Variants in PTPRZ1 observed in about 807,000 individuals in gnomAD.
PTPRZ1 encodes receptor-type tyrosine-protein phosphatase zeta.
In PTPRZ1, 82 loss-of-function variants were observed where a neutral mutation model predicts 214.1. That is an observed-to-expected ratio of 0.38 (90% CI 0.32 to 0.46). PTPRZ1 has a LOEUF of 0.46. PTPRZ1 is among the 20% of genes least tolerant of loss of function. The probability of loss-of-function intolerance (pLI) is 1.00; values close to 1 mark genes in which losing one functional copy is unlikely to be tolerated. For synonymous variants in PTPRZ1, 945 were observed against 987.9 expected, an observed-to-expected ratio of 0.96 and a Z score of 0.81; for missense variants, 2,603 against 2,748.7, an observed-to-expected ratio of 0.95 and a Z score of 1.19.
chr7:122,023,845 A>ATTATATGTATAATTT (rs1158015161), intron 13 of PTPRZ1, among the ~76,000 whole-genome samples: 1 of 76,900 alleles, frequency 1.3e-5, no homozygotes, highest in African/African-American at 1.1e-4. Flanking sequence ...ATAATTATAT[A>ATTATATGTATAATTT]TATATAAAAA....
In PTPRZ1 at chr7:122,059,775, A is replaced by T; in HGVS notation, c.6694A>T (p.Thr2232Ser). The T allele has an allele frequency of 1.2e-6, 2 of 1,612,018 alleles. No individual in the cohort carries two copies. The highest frequency in any genetic ancestry group is 1.7e-6 in the Non-Finnish European group (2 of 1,179,270). Residue 2232 changes from threonine to serine, a missense_variant, in exon 29 of 30, where the codon ACT becomes TCT. Physicochemically the swap from Thr to Ser is moderately conservative, Grantham distance 58 (BLOSUM62 1). Transcript: ENST00000393386. ...HDEHGGVTAG[T>S]FCALTTLMHQ... Reference sequence around the variant, plus strand: ...AAGGCATGGAGGAGTGACGGCAGGAACTTTCTGTGCTCTGACAACCCTTAT... The same window carrying T: ...AAGGCATGGAGGAGTGACGGCAGGATCTTTCTGTGCTCTGACAACCCTTAT...
intron 1 of PTPRZ1, among the ~76,000 whole-genome samples, chr7:121,877,279 C>A (rs916713857): frequency 1.3e-5 from 2 of 152,126 alleles, no homozygotes; most frequent in Non-Finnish European, 2.9e-5. Flanking sequence ...CTGTGTATTC[C>A]TTCCCAATCC....
intron 12 of PTPRZ1, among the ~76,000 whole-genome samples, chr7:122,016,687 A>C (rs1798850229): frequency 6.6e-6 from 1 of 151,736 alleles, no homozygotes. Flanking sequence ...TGCATTATAT[A>C]TCTTACATAT....
intron 12 of PTPRZ1, among the ~76,000 whole-genome samples, chr7:122,017,285 C>T (rs1798870583): frequency 6.6e-6 from 1 of 152,194 alleles, no homozygotes; most frequent in South Asian, 2.1e-4. Context: ...CTAGATGATT[C>T]TAAATGAGTC....
intron 23 of PTPRZ1, among the ~76,000 whole-genome samples, chr7:122,048,736 A>C (rs963750789): frequency 6.6e-6 from 1 of 152,192 alleles, no homozygotes; most frequent in Admixed American, 6.5e-5. Flanking sequence ...AAGGAAATCA[A>C]ATCAGCTGCC....
At position 122,001,950 on chromosome 7, in the gene PTPRZ1, T is replaced by G. The variant is rs1169860414; in HGVS notation, c.1241-2664T>G. The stretch of plus-strand genomic sequence containing the variant: ...AAGCCAGTATAATTTTTGAACTATT[T>G]AATATATTGGTAGTGCCTGACTCAA... On this transcript the variant is annotated intron_variant, in intron 10 of 29. Coordinates refer to ENST00000393386, the MANE Select transcript of PTPRZ1 (RefSeq NM_002851.3). Among the ~76,000 whole-genome samples the G allele has an allele frequency of 9.2e-5, 14 of 152,192 alleles. No homozygotes were observed. The East Asian group carries it at 2.7e-3, about 29-fold the overall frequency.
At position 122,017,496 on chromosome 7, in the gene PTPRZ1, C is replaced by T. The variant is rs946632406; in HGVS notation, c.4844-1628C>T. 7.2e-5 allele frequency among the ~76,000 whole-genome samples: 11 copies of T among 151,966 alleles called. No individual in the cohort carries two copies. The Middle Eastern group carries it at 0.01, about 141-fold the overall frequency. ...CATTTATAGTTATAAGACCAAACAT[C>T]TTGGGAAGTGTGTGTGCCATTTATA... On this transcript the variant is annotated intron_variant, in intron 12 of 29. Transcript: ENST00000393386.
chr7:121,980,004 T>C (rs896382199), intron 6 of PTPRZ1, among the ~76,000 whole-genome samples: 7 of 152,150 alleles, frequency 4.6e-5, no homozygotes, highest in Middle Eastern at 3.4e-3. Context: ...GGATTCCACA[T>C]TGGGGATAGG....
chr7:121,932,655 G>T (rs892460182), intron 2 of PTPRZ1, among the ~76,000 whole-genome samples: 10 of 152,150 alleles, frequency 6.6e-5, no homozygotes, highest in African/African-American at 1.9e-4. Flanking sequence ...ACATTATAAG[G>T]CTTGTCTGTA....
Position 121,979,437 on chromosome 7 carries a change from T to C in PTPRZ1, c.619+2586T>C, listed in dbSNP as rs974124604. On this transcript the variant is annotated intron_variant, in intron 6 of 29. Coordinates refer to ENST00000393386, the MANE Select transcript of PTPRZ1 (RefSeq NM_002851.3). Reference sequence around the variant, plus strand: ...TGGAAATTCTCATCAGACTGATTTATAGTGCTTTCTTAATCACAATTTCAG... The same window carrying C: ...TGGAAATTCTCATCAGACTGATTTACAGTGCTTTCTTAATCACAATTTCAG... 3.3e-5 allele frequency among the ~76,000 whole-genome samples: 5 copies of C among 152,210 alleles called. No homozygotes were observed. In the East Asian group the frequency reaches 7.7e-4, roughly 23 times the overall value.
At chr7:121,961,877 G>A (rs1796891005) in intron 2 of PTPRZ1, among the ~76,000 whole-genome samples, 1 of 152,180 alleles carries the variant, frequency 6.6e-6, no homozygotes, top group Admixed American at 6.5e-5. Flanking sequence ...ATGAAAGCAT[G>A]GATAAATATG....
At chr7:121,933,153 G>GA (rs35284916) in intron 2 of PTPRZ1, among the ~76,000 whole-genome samples, 6,183 of 132,740 alleles carry the variant, frequency 0.047, 286 homozygotes, top group African/African-American at 0.11. Flanking sequence ...ACAGTTCAGT[G>GA]AAAAAAAAAA....
intron 8 of PTPRZ1, among the ~76,000 whole-genome samples, chr7:121,995,298 G>A (rs913655598): frequency 6.6e-6 from 1 of 152,150 alleles, no homozygotes; most frequent in Non-Finnish European, 1.5e-5. Context: ...TGCTCTCATT[G>A]AGTGGCTTTG....
At position 121,967,970 on chromosome 7, in the gene PTPRZ1, T is replaced by C. The variant is rs2116510596; in HGVS notation, c.144T>C (p.Asn48=). The C allele has an allele frequency of 5.7e-6, 9 of 1,580,652 alleles. No homozygotes were observed. Among genetic ancestry groups the C allele is most frequent in the Non-Finnish European group, 6.9e-6 (8 of 1,157,028 alleles). ...WSYTGALNQK[N]WGKKYPTCNS... ...CCCTAGGAGCACTGAATCAAAAAAATTGGGGAAAGAAATATCCAACATGTA... is the reference window on the plus strand; with the variant it reads ...CCCTAGGAGCACTGAATCAAAAAAACTGGGGAAAGAAATATCCAACATGTA... The change falls in exon 3 of 30, where the codon AAT becomes AAC. Residue 48 remains asparagine (N), a synonymous_variant. Transcript: ENST00000393386.
chr7:122,013,920 G>A lies in PTPRZ1; in HGVS notation c.4843+31G>A, dbSNP rs376579623. 4.0e-6 allele frequency: 6 copies of A among 1,513,700 alleles called. No individual in the cohort carries two copies. In the African/African-American group the frequency reaches 7.0e-5, roughly 18 times the overall value. 93.8% of individuals were successfully genotyped at this position (1,513,700 alleles called of 1,614,324 possible). ...TTACGGATCAGAAGGACAGATTGAG[G>A]TGTGGTGGTTTGCTTGCTCTAAAAG... On this transcript the variant is annotated intron_variant, in intron 12 of 29. Transcript: ENST00000393386.
At chr7:121,990,005 T>C (rs1271597647) in intron 8 of PTPRZ1, among the ~76,000 whole-genome samples, 1 of 152,168 alleles carries the variant, frequency 6.6e-6, no homozygotes, top group Admixed American at 6.5e-5. Context: ...CTTCATATTA[T>C]ACCTTTAATA....
chr7:121,873,319 C>T lies in PTPRZ1; in HGVS notation c.-181C>T. 1.8e-6 allele frequency: 1 copy of T among 541,016 alleles called. No homozygotes were observed. Among genetic ancestry groups the T allele is most frequent in the African/African-American group, 3.0e-5 (1 of 32,828 alleles). 33.5% of individuals were successfully genotyped at this position (541,016 alleles called of 1,614,324 possible). A position where few individuals can be genotyped will look rare whatever the true frequency, so the allele number is the denominator to read the frequency against. Reference sequence around the variant, plus strand: ...TCTCTCTCTGTCTCTGTCTCTGTCTCTCTCTCTCTCACACACACACACACA... The same window carrying T: ...TCTCTCTCTGTCTCTGTCTCTGTCTTTCTCTCTCTCACACACACACACACA... On this transcript the variant is annotated 5_prime_UTR_variant, in exon 1 of 30. Transcript: ENST00000393386.
chr7:121,947,730 C>A (rs1362073152), intron 2 of PTPRZ1, among the ~76,000 whole-genome samples: 1 of 152,150 alleles, frequency 6.6e-6, no homozygotes, highest in Non-Finnish European at 1.5e-5. Context: ...TAGCTCTTTA[C>A]CAGTTTATTA....
At chr7:121,963,591 C>G (rs1796945200) in intron 2 of PTPRZ1, among the ~76,000 whole-genome samples, 1 of 152,054 alleles carries the variant, frequency 6.6e-6, no homozygotes, top group Non-Finnish European at 1.5e-5. Context: ...GTTTCATTAG[C>G]ATCTTAAAAC....
Sources: gnomAD v4.1 joint callset for allele counts (sites outside exome capture counted in the v4.1 genomes callset) on GRCh38, gnomAD v4.1.1 for gene constraint, MANE v1.5 for transcripts, NCBI Gene and HGNC (gene_info 2026-07-23, HGNC 2026-07-21) for gene names.